The following HIP1 variants were observed in gnomAD, a reference collection of about 807,000 sequenced individuals.
The protein encoded by HIP1 is huntingtin interacting protein 1, also known as huntingtin-interacting protein 1.
Under a neutral mutation model 147.6 loss-of-function variants are expected in HIP1, and 65 were observed. The observed-to-expected ratio is 0.44, with a 90% CI of 0.36 to 0.54. HIP1 has a LOEUF of 0.54. Among genes scored for constraint, HIP1 ranks in the 20% least tolerant of loss-of-function variants. The pLI is 0.00. For synonymous variants in HIP1, 479 were observed against 504.0 expected (o/e 0.95, Z 0.67); for missense variants, 1,061 against 1,299.6 (o/e 0.82, Z 2.82).
chr7:75,684,392 A>G (rs560799161), intron 1 of HIP1, among the ~76,000 whole-genome samples: 1 of 149,744 alleles, frequency 6.7e-6, no homozygotes, highest in East Asian at 2.0e-4. Flanking sequence ...AGGTTGCAGT[A>G]AGCCGAGATT....
chr7:75,608,187 A>G (rs1554504206), intron 1 of HIP1, among the ~76,000 whole-genome samples: 1 of 152,118 alleles, frequency 6.6e-6, no homozygotes, highest in African/African-American at 2.4e-5. Flanking sequence ...GGGCACCTGT[A>G]ATCCCAGCTG....
chr7:75,580,424 C>T (rs1038315000), intron 7 of HIP1, among the ~76,000 whole-genome samples: 3 of 151,890 alleles, frequency 2.0e-5, no homozygotes, highest in Non-Finnish European at 4.4e-5. Flanking sequence ...TCTGCTCAGA[C>T]GTGAAACCAC....
chr7:75,685,108 A>T (rs565067386), intron 1 of HIP1, among the ~76,000 whole-genome samples: 20 of 151,920 alleles, frequency 1.3e-4, no homozygotes, highest in African/African-American at 4.3e-4. Flanking sequence ...ATAAATAAAT[A>T]AAAATAAAAA....
At chr7:75,719,087 G>A (rs1277918763) in intron 1 of HIP1, among the ~76,000 whole-genome samples, 1 of 152,130 alleles carries the variant, frequency 6.6e-6, no homozygotes, top group African/African-American at 2.4e-5. Flanking sequence ...GGAGGCCGAG[G>A]TGGGAGGATC....
chr7:75,611,640 G>C (rs781920724), intron 1 of HIP1: 3 of 1,016,058 alleles, frequency 3.0e-6, no homozygotes, highest in Admixed American at 5.9e-5. Context: ...CACCAAGGGC[G>C]GGCAGTGCGG....
chr7:75,710,414 A>G (rs1284031814), intron 1 of HIP1, among the ~76,000 whole-genome samples: 1 of 152,148 alleles, frequency 6.6e-6, no homozygotes. Context: ...TTGGTATACT[A>G]ATATTTTATT....
chr7:75,684,447 C>CAAA (rs59055803), intron 1 of HIP1, among the ~76,000 whole-genome samples: 3 of 43,796 alleles, frequency 6.8e-5, no homozygotes, highest in Non-Finnish European at 9.8e-5. Context: ...GACTCCGTCT[C>CAAA]AAAAAAAAAA....
At chr7:75,594,581 C>A (rs1348289666) in intron 2 of HIP1, among the ~76,000 whole-genome samples, 2 of 152,114 alleles carry the variant, frequency 1.3e-5, no homozygotes, top group Non-Finnish European at 2.9e-5. Flanking sequence ...CAAGACCAGC[C>A]TGGCCAACAT....
At chr7:75,554,763 C>T (rs1794926022) in intron 19 of HIP1, among the ~76,000 whole-genome samples, 1 of 152,148 alleles carries the variant, frequency 6.6e-6, no homozygotes, top group African/African-American at 2.4e-5. Context: ...GTAGCTATCA[C>T]ACCTGGGGGC....
At chr7:75,655,076 TAAAC>T (rs1584923635) in intron 1 of HIP1, among the ~76,000 whole-genome samples, 2 of 152,212 alleles carry the variant, frequency 1.3e-5, no homozygotes, top group Admixed American at 6.5e-5. Flanking sequence ...AGCAGGGACT[TAAAC>T]AAATACTTGC....
chr7:75,575,197 A>G (rs1202331385), intron 7 of HIP1, among the ~76,000 whole-genome samples: 4 of 151,784 alleles, frequency 2.6e-5, no homozygotes, highest in African/African-American at 7.3e-5. Flanking sequence ...ACAGTGGCTC[A>G]TGCCTGTAAT....
chr7:75,662,321 G>A (rs1799348489), intron 1 of HIP1, among the ~76,000 whole-genome samples: 1 of 151,902 alleles, frequency 6.6e-6, no homozygotes, highest in Non-Finnish European at 1.5e-5. Flanking sequence ...GTAGCTGGGA[G>A]TACAGACCTG....
chr7:75,731,860 C>T (rs1801847266), intron 1 of HIP1, among the ~76,000 whole-genome samples: 2 of 152,110 alleles, frequency 1.3e-5, no homozygotes, highest in Non-Finnish European at 2.9e-5. Flanking sequence ...ATGAGAACCA[C>T]CTGGGACTTT....
In HIP1 at chr7:75,582,120, C is replaced by G; in HGVS notation, c.497G>C (p.Ser166Thr). Residue 166 changes from serine (S) to threonine (T), a missense_variant, in exon 6 of 31, where the codon AGT becomes ACT. Transcript: ENST00000336926. ...TCCAGCCTCGTCCAGCTGGCGGTCA[C>G]TCATCTGCAGGTTGCCTGGGAACCT... ...NPRFPGNLQMSDRQLDEAGES... is the reference protein window; with the variant it reads ...NPRFPGNLQMTDRQLDEAGES... The G allele has an allele frequency of 6.2e-7, 1 of 1,614,078 alleles. No homozygotes were observed. The highest frequency in any genetic ancestry group is 8.5e-7 in the Non-Finnish European group (1 of 1,179,982).
intron 1 of HIP1, among the ~76,000 whole-genome samples, chr7:75,643,772 G>A (rs1798721295): frequency 6.6e-6 from 1 of 152,192 alleles, no homozygotes; most frequent in African/African-American, 2.4e-5. Context: ...GGCCCAGGTG[G>A]GTGGACCACT....
At chr7:75,704,572 G>A (rs780802501) in intron 1 of HIP1, among the ~76,000 whole-genome samples, 2 of 147,236 alleles carry the variant, frequency 1.4e-5, no homozygotes, top group Admixed American at 1.4e-4. Context: ...ACTGTTTCTT[G>A]TTGTTGTTGT....
At chr7:75,584,850 CT>C (rs5884971) in intron 5 of HIP1, among the ~76,000 whole-genome samples, 16,830 of 142,514 alleles carry the variant, frequency 0.12, 980 homozygotes, top group Middle Eastern at 0.22. Flanking sequence ...CCATTTAACA[CT>C]TTTTTTTTTT....
At chr7:75,541,319 A>G (rs1794301926) in intron 29 of HIP1, among the ~76,000 whole-genome samples, 1 of 152,146 alleles carries the variant, frequency 6.6e-6, no homozygotes, top group Admixed American at 6.6e-5. Flanking sequence ...TCACGAGGTC[A>G]GGAGATCGAG....
intron 1 of HIP1, among the ~76,000 whole-genome samples, chr7:75,735,456 ATTAG>A (rs1426044638): frequency 1.3e-5 from 2 of 152,264 alleles, no homozygotes; most frequent in East Asian, 1.9e-4. Flanking sequence ...AAACACAATA[ATTAG>A]TTAGTTATTA....
Sources: allele counts gnomAD v4.1 joint callset (sites outside exome capture counted in the v4.1 genomes callset), GRCh38; gene constraint gnomAD v4.1.1; transcripts MANE v1.5; gene names NCBI Gene and HGNC (gene_info 2026-07-23, HGNC 2026-07-21).